Variants in CAMKMT observed in about 807,000 individuals in gnomAD.
CAMKMT encodes the protein calmodulin-lysine N-methyltransferase.
CAMKMT carries 53 observed loss-of-function variants against 48.0 expected under a neutral mutation model. The observed-to-expected ratio is 1.10, with a 90% CI of 0.89 to 1.39. CAMKMT has a LOEUF of 1.39. CAMKMT is among the 40% of genes most tolerant of loss of function. The probability of loss-of-function intolerance (pLI) is 0.00; values close to 1 mark genes in which losing one functional copy is unlikely to be tolerated. For synonymous variants in CAMKMT, 165 were observed against 152.3 expected (o/e 1.08, Z -0.61); for missense variants, 428 against 402.7 (o/e 1.06, Z -0.54).
At chr2:44,697,677 T>G (rs1677028455) in intron 3 of CAMKMT, among the ~76,000 whole-genome samples, 1 of 152,138 alleles carries the variant, frequency 6.6e-6, no homozygotes, top group South Asian at 2.1e-4. Context: ...ACCAAAATTT[T>G]AACATTATAA....
At chr2:44,720,199 TA>T (rs1333325684) in intron 7 of CAMKMT, among the ~76,000 whole-genome samples, 2 of 152,202 alleles carry the variant, frequency 1.3e-5, no homozygotes, top group East Asian at 3.8e-4. Flanking sequence ...AGCCAGACTT[TA>T]AAATAGGAGG....
chr2:44,670,004 A>C (rs74637244), intron 3 of CAMKMT, among the ~76,000 whole-genome samples: 52 of 152,122 alleles, frequency 3.4e-4, no homozygotes, highest in African/African-American at 1.2e-3. Context: ...ATAGGCTTTC[A>C]TGTTTTCTCT....
intron 3 of CAMKMT, among the ~76,000 whole-genome samples, chr2:44,595,794 G>T (rs974016175): frequency 2.0e-5 from 3 of 152,140 alleles, no homozygotes; most frequent in Admixed American, 2.0e-4. Flanking sequence ...CCATGGAATA[G>T]TATGCAGCTG....
At chr2:44,746,325 C>T (rs1204930362) in intron 8 of CAMKMT, among the ~76,000 whole-genome samples, 6 of 152,150 alleles carry the variant, frequency 3.9e-5, no homozygotes, top group African/African-American at 1.4e-4. Context: ...ATTCCAAACC[C>T]ACATTGTGGT....
chr2:44,376,456 C>T (rs1158758634), intron 2 of CAMKMT, among the ~76,000 whole-genome samples: 1 of 150,756 alleles, frequency 6.6e-6, no homozygotes, highest in Non-Finnish European at 1.5e-5. Context: ...GGGGATGTTA[C>T]AAGTTCCTCA....
At chr2:44,440,560 T>C (rs974690841) in intron 3 of CAMKMT, among the ~76,000 whole-genome samples, 4 of 152,156 alleles carry the variant, frequency 2.6e-5, no homozygotes, top group Non-Finnish European at 5.9e-5. Context: ...AAATTCTAAA[T>C]TTAATGAATT....
intron 3 of CAMKMT, among the ~76,000 whole-genome samples, chr2:44,674,877 CCCA>C (rs1460818374): frequency 2.0e-5 from 3 of 151,916 alleles, no homozygotes; most frequent in Non-Finnish European, 4.4e-5. Flanking sequence ...TGATTTCTTC[CCCA>C]CAAGGAAAAA....
intron 3 of CAMKMT, among the ~76,000 whole-genome samples, chr2:44,476,250 G>A (rs1016216644): frequency 2.0e-5 from 3 of 151,748 alleles, no homozygotes; most frequent in African/African-American, 7.3e-5. Flanking sequence ...CTACTAAAGT[G>A]GTGAAAGCAT....
intron 3 of CAMKMT, among the ~76,000 whole-genome samples, chr2:44,544,736 TTAAAACAAGAC>T (rs1231116798): frequency 1.3e-5 from 2 of 152,180 alleles, no homozygotes; most frequent in Non-Finnish European, 2.9e-5. Flanking sequence ...ATCAACCCAT[TTAAAACAAGAC>T]TAGAGTGATT....
At chr2:44,637,197 T>A (rs1673182767) in intron 3 of CAMKMT, among the ~76,000 whole-genome samples, 2 of 152,244 alleles carry the variant, frequency 1.3e-5, no homozygotes, top group Non-Finnish European at 2.9e-5. Context: ...TATTTTAGAA[T>A]ACTTTGTTAG....
intron 3 of CAMKMT, among the ~76,000 whole-genome samples, chr2:44,557,686 A>C (rs1219044503): frequency 6.6e-6 from 1 of 152,278 alleles, no homozygotes; most frequent in East Asian, 1.9e-4. Flanking sequence ...AAATAGAAGA[A>C]TGGTTAGCAC....
At chr2:44,442,590 A>G (rs993399921) in intron 3 of CAMKMT, among the ~76,000 whole-genome samples, 1 of 152,090 alleles carries the variant, frequency 6.6e-6, no homozygotes, top group African/African-American at 2.4e-5. Context: ...TTTCAATATA[A>G]TGTTAGCTCT....
chr2:44,504,503 T>C (rs1330444331), intron 3 of CAMKMT, among the ~76,000 whole-genome samples: 2 of 152,214 alleles, frequency 1.3e-5, no homozygotes, highest in Middle Eastern at 3.2e-3. Context: ...AACAACCATT[T>C]AATGGATGCC....
intron 3 of CAMKMT, among the ~76,000 whole-genome samples, chr2:44,569,979 A>T (rs1668822729): frequency 2.0e-5 from 3 of 152,056 alleles, no homozygotes; most frequent in Non-Finnish European, 4.4e-5. Context: ...CCTTTATCGG[A>T]TATTAACTTA....
chr2:44,501,087 G>T (rs1234985450), intron 3 of CAMKMT, among the ~76,000 whole-genome samples: 2 of 145,922 alleles, frequency 1.4e-5, no homozygotes, highest in African/African-American at 5.1e-5. Flanking sequence ...CTGGAGACTT[G>T]TACTTAGTAC....
At chr2:44,437,116 C>G (rs992421675) in intron 3 of CAMKMT, among the ~76,000 whole-genome samples, 3 of 152,156 alleles carry the variant, frequency 2.0e-5, no homozygotes, top group Non-Finnish European at 4.4e-5. Context: ...ATATTGCAGA[C>G]TGTTACTTCC....
At chr2:44,374,594 C>T (rs1415284128) in intron 2 of CAMKMT, among the ~76,000 whole-genome samples, 1 of 152,190 alleles carries the variant, frequency 6.6e-6, no homozygotes, top group African/African-American at 2.4e-5. Flanking sequence ...ATAGTCTCTT[C>T]TTGAGATCTT....
chr2:44,504,803 T>C (rs1162071924), intron 3 of CAMKMT, among the ~76,000 whole-genome samples: 1 of 152,166 alleles, frequency 6.6e-6, no homozygotes, highest in Admixed American at 6.5e-5. Flanking sequence ...GCCCATTGTG[T>C]TAGTCTGGTT....
intron 3 of CAMKMT, among the ~76,000 whole-genome samples, chr2:44,611,093 G>A (rs1671571461): frequency 6.6e-6 from 1 of 152,134 alleles, no homozygotes; most frequent in Admixed American, 6.6e-5. Flanking sequence ...TTCCCAATAT[G>A]TTCCTGAAGG....
Sources: allele counts gnomAD v4.1 joint callset (sites outside exome capture counted in the v4.1 genomes callset), GRCh38; gene constraint gnomAD v4.1.1; transcripts MANE v1.5; gene names NCBI Gene and HGNC (gene_info 2026-07-23, HGNC 2026-07-21).